Variants in NRG3 observed in about 807,000 individuals in gnomAD.
NRG3 encodes pro-neuregulin-3, membrane-bound isoform.
A neutral mutation model predicts 66.9 loss-of-function variants in NRG3; 31 were observed. That is an observed-to-expected ratio of 0.46 (90% confidence interval 0.35 to 0.63). The LOEUF (loss-of-function observed/expected upper bound fraction) is 0.63, where lower values mean the gene tolerates loss of function less well. Among genes scored for constraint, NRG3 ranks in the 20% least tolerant of loss-of-function variants. The probability of loss-of-function intolerance (pLI) is 0.00; values close to 1 mark genes in which losing one functional copy is unlikely to be tolerated. For missense variants in NRG3, 910 were observed against 878.9 expected (o/e 1.04, Z -0.45); for synonymous variants, 393 against 359.4 (o/e 1.09, Z -1.06).
intron 1 of NRG3, among the ~76,000 whole-genome samples, chr10:81,938,849 A>G (rs932252064): frequency 1.3e-5 from 2 of 151,890 alleles, no homozygotes; most frequent in Non-Finnish European, 2.9e-5. Flanking sequence ...ATCATAGGGG[A>G]AAAGCTTTGA....
chr10:82,568,209 G>A (rs2045529506), intron 2 of NRG3, among the ~76,000 whole-genome samples: 1 of 151,790 alleles, frequency 6.6e-6, no homozygotes, highest in African/African-American at 2.4e-5. Flanking sequence ...GGAATAAAGA[G>A]GCAAAGTCAT....
At chr10:81,878,731 G>A (rs1841913593) in intron 1 of NRG3, among the ~76,000 whole-genome samples, 1 of 152,004 alleles carries the variant, frequency 6.6e-6, no homozygotes, top group Non-Finnish European at 1.5e-5. Flanking sequence ...TTCTGTTGTA[G>A]TACTTGAAAA....
intron 1 of NRG3, among the ~76,000 whole-genome samples, chr10:82,001,880 T>C (rs954190455): frequency 4.6e-5 from 7 of 152,188 alleles, no homozygotes; most frequent in Admixed American, 2.0e-4. Flanking sequence ...CCTAATAAAG[T>C]TTCCTCCTCT....
chr10:82,632,122 A>G (rs2049886979), intron 2 of NRG3, among the ~76,000 whole-genome samples: 2 of 152,268 alleles, frequency 1.3e-5, no homozygotes, highest in Non-Finnish European at 2.9e-5. Flanking sequence ...AAAAATAAAA[A>G]TGTAAAAAAT....
At position 82,598,917 on chromosome 10, in the gene NRG3, G is replaced by A. The variant is rs567222546; in HGVS notation, c.954-139660G>A. The stretch of plus-strand genomic sequence containing the variant: ...ATATAAAAATTAGCTGGGCATGGTG[G>A]CGCACACCTGTAATCCCAGCTGCTC... On this transcript the variant is annotated intron_variant, in intron 2 of 8. Coordinates refer to ENST00000372141, the MANE Select transcript of NRG3 (RefSeq NM_001010848.4). Among the ~76,000 whole-genome samples the A allele has an allele frequency of 1.4e-4, 21 of 152,104 alleles. 1 individual carries two copies. In the Middle Eastern group the frequency reaches 0.02, roughly 148 times the overall value.
At chr10:82,950,857 T>A (rs1849457192) in intron 4 of NRG3, among the ~76,000 whole-genome samples, 2 of 152,208 alleles carry the variant, frequency 1.3e-5, no homozygotes, top group African/African-American at 4.8e-5. Flanking sequence ...ATTTTCGTGA[T>A]AAGCTACAAG....
chr10:81,975,573 T>A (rs2060094863), intron 1 of NRG3, among the ~76,000 whole-genome samples: 1 of 152,008 alleles, frequency 6.6e-6, no homozygotes. Flanking sequence ...AATTAAAGTA[T>A]CATTATCAAG....
intron 1 of NRG3, among the ~76,000 whole-genome samples, chr10:82,149,000 C>G (rs978643298): frequency 6.6e-5 from 10 of 151,892 alleles, no homozygotes; most frequent in Non-Finnish European, 1.5e-4. Flanking sequence ...ACTGTCTACC[C>G]GGAATCAACT....
chr10:82,489,417 A>C (rs1590321226), intron 2 of NRG3, among the ~76,000 whole-genome samples: 1 of 152,324 alleles, frequency 6.6e-6, no homozygotes. Flanking sequence ...CATCAGCAGC[A>C]GTTTCAATAG....
intron 1 of NRG3, among the ~76,000 whole-genome samples, chr10:82,057,848 A>C (rs1303737516): frequency 6.6e-6 from 1 of 152,100 alleles, no homozygotes; most frequent in African/African-American, 2.4e-5. Context: ...CTTCTACCTT[A>C]GTTCCTTATT....
intron 3 of NRG3, among the ~76,000 whole-genome samples, chr10:82,847,877 C>T (rs1020491916): frequency 2.0e-5 from 3 of 152,158 alleles, no homozygotes; most frequent in Non-Finnish European, 1.5e-5. Context: ...AATATCCTCA[C>T]AAGGTTCACA....
At chr10:82,098,967 G>A (rs188359919) in intron 1 of NRG3, among the ~76,000 whole-genome samples, 451 of 152,120 alleles carry the variant, frequency 3.0e-3, no homozygotes, top group African/African-American at 9.2e-3. Flanking sequence ...GGGTTTCACC[G>A]TGTTAGCCAG....
At chr10:82,122,155 C>T (rs1282352194) in intron 1 of NRG3, among the ~76,000 whole-genome samples, 1 of 152,110 alleles carries the variant, frequency 6.6e-6, no homozygotes, top group Non-Finnish European at 1.5e-5. Context: ...AGAATAGTGC[C>T]TCACATGGAG....
intron 2 of NRG3, among the ~76,000 whole-genome samples, chr10:82,651,205 A>G (rs2051385109): frequency 6.6e-6 from 1 of 152,314 alleles, no homozygotes; most frequent in Admixed American, 6.5e-5. Flanking sequence ...AAGGTGAGGT[A>G]GTGGGAGTCG....
chr10:82,084,187 C>A (rs1282981436), intron 1 of NRG3, among the ~76,000 whole-genome samples: 1 of 152,012 alleles, frequency 6.6e-6, no homozygotes, highest in East Asian at 2.0e-4. Flanking sequence ...GAGATTGCGC[C>A]ACTGCACTCC....
At chr10:82,250,254 T>G (rs2077420447) in intron 1 of NRG3, among the ~76,000 whole-genome samples, 2 of 152,110 alleles carry the variant, frequency 1.3e-5, no homozygotes, top group South Asian at 4.1e-4. Context: ...TTTTAAAAAT[T>G]TTTATTTGTT....
chr10:82,917,968 G>GTATATATATATATATATA (rs1419038422), intron 4 of NRG3, among the ~76,000 whole-genome samples: 5 of 97,394 alleles, frequency 5.1e-5, no homozygotes, highest in African/African-American at 1.5e-4. Context: ...GTGTGTGTGT[G>GTATATATATATATATATA]TGTATATATA....
At chr10:82,363,478 C>T (rs866581743) in intron 2 of NRG3, among the ~76,000 whole-genome samples, 8 of 151,474 alleles carry the variant, frequency 5.3e-5, no homozygotes, top group East Asian at 1.9e-4. Flanking sequence ...TTTTTTGAGA[C>T]GGAGTCTCGC....
At chr10:82,794,202 A>G (rs1253117215) in intron 3 of NRG3, among the ~76,000 whole-genome samples, 2 of 152,148 alleles carry the variant, frequency 1.3e-5, no homozygotes, top group African/African-American at 2.4e-5. Context: ...TCTCATTCAT[A>G]ATGGCATCAA....
Sources: allele counts gnomAD v4.1 joint callset (sites outside exome capture counted in the v4.1 genomes callset), GRCh38; gene constraint gnomAD v4.1.1; transcripts MANE v1.5; gene names NCBI Gene and HGNC (gene_info 2026-07-23, HGNC 2026-07-21).